Variants in MCU observed in about 807,000 individuals in gnomAD.
MCU encodes the protein calcium uniporter protein, mitochondrial.
A neutral mutation model predicts 45.2 loss-of-function variants in MCU; 12 were observed. That is an observed-to-expected ratio of 0.27 (90% CI 0.17 to 0.43). MCU has a LOEUF of 0.43. Ranked by LOEUF, MCU falls within the 20% of genes least tolerant of loss-of-function variation. The pLI is 1.00. For synonymous variants in MCU, 160 were observed against 165.1 expected (o/e 0.97, Z 0.24); for missense variants, 324 against 436.7 (o/e 0.74, Z 2.30).
chr10:72,841,995 A>G (rs1845055122), intron 2 of MCU, among the ~76,000 whole-genome samples: 1 of 152,214 alleles, frequency 6.6e-6, no homozygotes, highest in South Asian at 2.1e-4. Context: ...TCAAGACCTT[A>G]TAGTTGTTGT....
At chr10:72,717,991 A>G (rs1016900213) in intron 1 of MCU, among the ~76,000 whole-genome samples, 1 of 152,228 alleles carries the variant, frequency 6.6e-6, no homozygotes, top group Admixed American at 6.5e-5. Flanking sequence ...TTACTTTGGT[A>G]CATTTGTTAC....
At chr10:72,757,231 T>C (rs1564548303) in intron 1 of MCU, among the ~76,000 whole-genome samples, 1 of 152,044 alleles carries the variant, frequency 6.6e-6, no homozygotes, top group Non-Finnish European at 1.5e-5. Context: ...GAGAGCCAAA[T>C]AGGAGATGGT....
At chr10:72,771,012 T>A (rs529079585) in intron 1 of MCU, among the ~76,000 whole-genome samples, 2 of 152,274 alleles carry the variant, frequency 1.3e-5, no homozygotes, top group Non-Finnish European at 2.9e-5. Context: ...ATTCTTTCAG[T>A]TTTTATCTTG....
At chr10:72,730,335 G>GA (rs1259525253) in intron 1 of MCU, among the ~76,000 whole-genome samples, 1 of 135,266 alleles carries the variant, frequency 7.4e-6, no homozygotes, top group Non-Finnish European at 1.5e-5. Context: ...TTGAGACGGA[G>GA]TCTCACTCTG....
chr10:72,771,238 C>T (rs904588595), intron 1 of MCU, among the ~76,000 whole-genome samples: 3 of 152,070 alleles, frequency 2.0e-5, no homozygotes, highest in Admixed American at 2.0e-4. Flanking sequence ...TGTGATGTTC[C>T]CCTCCCTGTG....
At chr10:72,720,487 A>T (rs778703571) in intron 1 of MCU, among the ~76,000 whole-genome samples, 2 of 149,854 alleles carry the variant, frequency 1.3e-5, no homozygotes, top group Admixed American at 6.6e-5. Flanking sequence ...CACTTTGCAG[A>T]TCCACTGACT....
Position 72,885,922 on chromosome 10 carries a change from G to A in MCU, c.*100G>A, listed in dbSNP as rs530078365. On this transcript the variant is annotated 3_prime_UTR_variant, in exon 8 of 8. Coordinates refer to ENST00000373053, the MANE Select transcript of MCU (RefSeq NM_138357.3). ...CTGGGAGCCATGTGGGGGGTAGAGC[G>A]TTTTTACCTTTAATTATAAAACAAA... is the stretch of plus-strand genomic sequence containing the variant. The A allele has an allele frequency of 1.2e-5, 10 of 846,612 alleles. No individual in the cohort carries two copies. The highest frequency in any genetic ancestry group is 5.1e-5 in the African/African-American group (3 of 58,364). The allele number at this position is 846,612 out of a possible 1,614,324, so 52.4% of individuals were successfully genotyped here. A position where few individuals can be genotyped will look rare whatever the true frequency, so the allele number is the denominator to read the frequency against.
At chr10:72,716,158 G>A (rs1842953346) in intron 1 of MCU, among the ~76,000 whole-genome samples, 1 of 152,190 alleles carries the variant, frequency 6.6e-6, no homozygotes, top group Non-Finnish European at 1.5e-5. Context: ...ACAGAGTTTA[G>A]TTGTTACAAC....
chr10:72,758,298 C>T (rs1214633603), intron 1 of MCU, among the ~76,000 whole-genome samples: 1 of 152,140 alleles, frequency 6.6e-6, no homozygotes, highest in Non-Finnish European at 1.5e-5. Context: ...CTCAGTCTCC[C>T]GAGTAGCTGG....
intron 6 of MCU, among the ~76,000 whole-genome samples, chr10:72,876,155 C>T (rs1432418633): frequency 6.6e-6 from 1 of 152,168 alleles, no homozygotes; most frequent in Non-Finnish European, 1.5e-5. Context: ...CTCCGGCAAA[C>T]CACTTCAATG....
rs116702652 is a variant in MCU, at chr10:72,855,590, G to T, written c.221-3587G>T. Among the ~76,000 whole-genome samples the T allele has an allele frequency of 3.2e-3, 485 of 152,130 alleles. 4 individuals are homozygous for T. Among genetic ancestry groups the T allele is most frequent in the African/African-American group, 0.011 (458 of 41,506 alleles). ...GATTAGGACCCTGTCTCTAAAAAAA[G>T]AGATTAAATTATAATAAATAGTGAT... On this transcript the variant is annotated intron_variant, in intron 2 of 7. Transcript: ENST00000373053.
At chr10:72,707,729 G>A (rs769533658) in intron 1 of MCU, among the ~76,000 whole-genome samples, 7 of 151,426 alleles carry the variant, frequency 4.6e-5, no homozygotes, top group Non-Finnish European at 7.4e-5. Flanking sequence ...TCTTTGTTCC[G>A]TTAACTTGCT....
At chr10:72,730,868 A>G (rs909547528) in intron 1 of MCU, 4 of 152,148 alleles carry the variant, frequency 2.6e-5, no homozygotes, top group African/African-American at 9.7e-5. Flanking sequence ...CTTTTTCCCT[A>G]TTGTGCAGCA....
At chr10:72,862,272 C>T (rs989054567) in intron 4 of MCU, among the ~76,000 whole-genome samples, 6 of 152,130 alleles carry the variant, frequency 3.9e-5, no homozygotes, top group African/African-American at 1.4e-4. Context: ...TGAGCCACCG[C>T]ACCCGGCCGA....
intron 1 of MCU, among the ~76,000 whole-genome samples, chr10:72,759,821 A>T (rs1043637769): frequency 2.0e-5 from 3 of 152,152 alleles, no homozygotes; most frequent in African/African-American, 7.2e-5. Context: ...GACATGCCAG[A>T]GCTCTTTCTC....
chr10:72,829,860 G>A lies in MCU; in HGVS notation c.151-4499G>A, dbSNP rs1344130106. Among the ~76,000 whole-genome samples the A allele has an allele frequency of 2.6e-5, 4 of 152,176 alleles. No individual in the cohort carries two copies. In the East Asian group the frequency reaches 7.7e-4, roughly 29 times the overall value. On this transcript the variant is annotated intron_variant, in intron 1 of 7. Transcript: ENST00000373053. ...CAAGAGCAAAATAATTTTTGTTTTT[G>A]TTGTCTTTAGTAGATTCTAAGCTTC...
At chr10:72,880,166 C>T (rs1014664064) in intron 6 of MCU, among the ~76,000 whole-genome samples, 4 of 152,214 alleles carry the variant, frequency 2.6e-5, no homozygotes, top group Non-Finnish European at 4.4e-5. Context: ...AGAAGTACCG[C>T]TCCTATTCAC....
chr10:72,884,990 G>T (rs1297948808), intron 7 of MCU, among the ~76,000 whole-genome samples: 1 of 152,140 alleles, frequency 6.6e-6, no homozygotes, highest in African/African-American at 2.4e-5. Context: ...TGACTTTAGA[G>T]ATTTTTCAGC....
intron 1 of MCU, among the ~76,000 whole-genome samples, chr10:72,774,288 T>C (rs1305566153): frequency 6.6e-6 from 1 of 152,182 alleles, no homozygotes; most frequent in Admixed American, 6.5e-5. Context: ...ATAGAATTCT[T>C]TTTTTGTTTT....
Sources: allele counts gnomAD v4.1 joint callset (sites outside exome capture counted in the v4.1 genomes callset), GRCh38; gene constraint gnomAD v4.1.1; transcripts MANE v1.5; gene names NCBI Gene and HGNC (gene_info 2026-07-23, HGNC 2026-07-21).